The following PSG11 variants were observed in gnomAD, a reference collection of about 807,000 sequenced individuals.
The protein encoded by PSG11 is pregnancy-specific beta-1-glycoprotein 11.
Under a neutral mutation model 36.0 loss-of-function variants are expected in PSG11, and 42 were observed. The ratio of observed to expected loss-of-function variants is 1.17; its 90% CI spans 0.91 to 1.51. The LOEUF (loss-of-function observed/expected upper bound fraction) is 1.51. Ranked by LOEUF, PSG11 falls within the 40% of genes most tolerant of loss-of-function variation. The pLI, the probability that PSG11 is intolerant of heterozygous loss-of-function variation, is 0.00. For synonymous variants in PSG11, 206 were observed against 153.5 expected (o/e 1.34, Z -2.53); for missense variants, 558 against 403.5 (o/e 1.38, Z -3.28).
intron 5 of PSG11, among the ~76,000 whole-genome samples, chr19:43,008,731 C>G (rs1389459788): frequency 6.6e-6 from 1 of 151,184 alleles, no homozygotes; most frequent in African/African-American, 2.4e-5. Context: ...TTACTGAGTT[C>G]TTGGTGTAGC....
At chr19:43,018,292 T>C in intron 3 of PSG11, 1 of 217,940 alleles carries the variant, frequency 4.6e-6, no homozygotes, top group South Asian at 8.6e-5. Context: ...TGAGTGTCTA[T>C]GAGACAGGAG....
intron 2 of PSG11, among the ~76,000 whole-genome samples, chr19:43,019,901 G>A (rs184574817): frequency 9.2e-5 from 14 of 151,608 alleles, no homozygotes; most frequent in African/African-American, 3.2e-4. Context: ...ATGAACTGAT[G>A]ATGGAAGTCT....
In PSG11 at chr19:43,010,375, T is replaced by A. The variant is rs1235231691; in HGVS notation, c.965-334A>T. ...TCATGGTTGCATCTTTTTCTCAGTG[T>A]CTCTGTTGTGGCAGTCATGAATGAG... On this transcript the variant is annotated intron_variant, in intron 4 of 5. Coordinates refer to ENST00000320078, the MANE Select transcript of PSG11 (RefSeq NM_002785.3). 5.2e-6 allele frequency: 8 copies of A among 1,545,572 alleles called. No individual in the cohort carries two copies. The African/African-American group carries it at 9.8e-5, about 19-fold the overall frequency.
At chr19:43,019,239 A>G (rs1298851307) in intron 2 of PSG11, 191 bp from the exon 3 acceptor site, 1 of 1,254,350 alleles carries the variant, frequency 8.0e-7, no homozygotes, top group Non-Finnish European at 1.1e-6. Context: ...TGCCTGCTTT[A>G]TGTGGGAGAA....
At chr19:43,008,534 C>T (rs1973989713) in intron 5 of PSG11, among the ~76,000 whole-genome samples, 1 of 151,238 alleles carries the variant, frequency 6.6e-6, no homozygotes, top group African/African-American at 2.4e-5. Context: ...CCTCAGTCTC[C>T]CAAAGTGCTG....
intron 2 of PSG11, among the ~76,000 whole-genome samples, chr19:43,020,331 G>A (rs1199636426): frequency 6.6e-6 from 1 of 151,376 alleles, no homozygotes; most frequent in African/African-American, 2.4e-5. Context: ...CAATGCGCCA[G>A]TGAGCACTTC....
At chr19:43,018,513 GC>G in intron 3 of PSG11, 1 of 844,820 alleles carries the variant, frequency 1.2e-6, no homozygotes. Flanking sequence ...CTGATCTGGA[GC>G]CTGAGACATT....
intron 5 of PSG11, 97 bp downstream of exon 5, chr19:43,009,861 A>G (rs376378291): frequency 2.2e-5 from 21 of 933,710 alleles, no homozygotes; most frequent in East Asian, 4.9e-5. Context: ...ATGAAGGAGG[A>G]GATCCAGGCC....
rs528449789 is a variant in PSG11, at chr19:43,023,618, A to T, written c.430+1073T>A. ...TGGATGCCTAAGAAGAGAGGATTTGAGCCAATAAATGACTATGGGGTGCTT... is the reference window on the plus strand; with the variant it reads ...TGGATGCCTAAGAAGAGAGGATTTGTGCCAATAAATGACTATGGGGTGCTT... On this transcript the variant is annotated intron_variant, in intron 2 of 5. Coordinates refer to ENST00000320078, the MANE Select transcript of PSG11 (RefSeq NM_002785.3). 1.7e-4 allele frequency among the ~76,000 whole-genome samples: 25 copies of T among 151,138 alleles called. 1 individual carries two copies. Among genetic ancestry groups the T allele is most frequent in the Non-Finnish European group, 3.2e-4 (22 of 67,832 alleles).
At chr19:43,016,114 C>T (rs1966959736) in intron 3 of PSG11, 1 of 1,540,264 alleles carries the variant, frequency 6.5e-7, no homozygotes, top group Non-Finnish European at 8.8e-7. Context: ...ATCCTTCAAT[C>T]AGAGTTGGCA....
intron 4 of PSG11, among the ~76,000 whole-genome samples, chr19:43,012,312 G>T (rs1383619480): frequency 6.6e-6 from 1 of 151,224 alleles, no homozygotes; most frequent in Admixed American, 6.6e-5. Context: ...AATTAGGCAA[G>T]AATTTTAAAA....
Position 43,024,678 on chromosome 19 carries a change from T to C in PSG11, c.430+13A>G, listed in dbSNP as rs1400727576. The C allele has an allele frequency of 1.2e-6, 2 of 1,609,648 alleles. No homozygotes were observed. Among genetic ancestry groups the C allele is most frequent in the African/African-American group, 2.7e-5 (2 of 74,228 alleles). On this transcript the variant is annotated intron_variant, in intron 2 of 5. Coordinates refer to ENST00000320078, the MANE Select transcript of PSG11 (RefSeq NM_002785.3). ...TGTCCCCCAACACCCAGGGATCATGTGGAATCACTTACGGTATAAGGTGAA... is the reference window on the plus strand; with the variant it reads ...TGTCCCCCAACACCCAGGGATCATGCGGAATCACTTACGGTATAAGGTGAA...
intron 1 of PSG11, among the ~76,000 whole-genome samples, chr19:43,025,916 C>CTTTTTTTTTTTTTTTTTTCTT (rs747657112): frequency 1.6e-5 from 1 of 62,000 alleles, no homozygotes; most frequent in African/African-American, 6.3e-5. Flanking sequence ...GCCTTCTTTC[C>CTTTTTTTTTTTTTTTTTTCTT]TTTTTTTTTT....
At chr19:43,010,496 C>T in intron 4 of PSG11, 2 of 914,934 alleles carry the variant, frequency 2.2e-6, no homozygotes, top group Non-Finnish European at 3.2e-6. Context: ...AAGCTTCTTT[C>T]CTACAGGCTC....
At chr19:43,022,081 C>A (rs2093713563) in intron 2 of PSG11, among the ~76,000 whole-genome samples, 1 of 151,384 alleles carries the variant, frequency 6.6e-6, no homozygotes, top group South Asian at 2.1e-4. Flanking sequence ...CTTACTTTGC[C>A]CAGGGACTGC....
At chr19:43,010,890 CATATAT>C (rs10566441) in intron 4 of PSG11, among the ~76,000 whole-genome samples, 8,969 of 140,374 alleles carry the variant, frequency 0.064, 972 homozygotes, top group African/African-American at 0.2. Flanking sequence ...CCTCTTTTTC[CATATAT>C]ATATATATAT....
rs142166158 is a variant in PSG11, at chr19:43,018,852, C to T, written c.627G>A (p.Lys209=). 4 of 1,612,128 alleles carry T rather than the reference C, an allele frequency of 2.5e-6. No individual in the cohort carries two copies. Among genetic ancestry groups the T allele is most frequent in the Non-Finnish European group, 2.5e-6 (3 of 1,179,058 alleles). ...NRTLFLFGVT[K]YTAGPYECEI... is the part of the protein sequence containing the mutation. Reference sequence around the variant, plus strand: ...CACATTCATAGGGTCCTGCAGTATACTTTGTGACACCAAATAGAAAGAGGG... The same window carrying T: ...CACATTCATAGGGTCCTGCAGTATATTTTGTGACACCAAATAGAAAGAGGG... The change falls in exon 3 of 6, where the codon AAG becomes AAA. Residue 209 remains lysine (K), a synonymous_variant. Coordinates refer to ENST00000320078, the MANE Select transcript of PSG11 (RefSeq NM_002785.3).
intron 5 of PSG11, among the ~76,000 whole-genome samples, chr19:43,008,917 C>T (rs571217228): frequency 7.3e-5 from 11 of 151,084 alleles, no homozygotes; most frequent in Non-Finnish European, 1.3e-4. Context: ...TAAAAATTAC[C>T]AATGCCTGGG....
chr19:43,011,179 T>C (rs191734007), intron 4 of PSG11, among the ~76,000 whole-genome samples: 8 of 151,332 alleles, frequency 5.3e-5, no homozygotes, highest in African/African-American at 1.7e-4. Flanking sequence ...CTGACATTGG[T>C]TCCTCTGTAT....
Sources: gnomAD v4.1 joint callset for allele counts (sites outside exome capture counted in the v4.1 genomes callset) on GRCh38, gnomAD v4.1.1 for gene constraint, MANE v1.5 for transcripts, NCBI Gene and HGNC (gene_info 2026-07-23, HGNC 2026-07-21) for gene names.